WDFY3: variants seen among roughly 807,000 people sequenced by gnomAD.
WDFY3 encodes WD repeat and FYVE domain containing 3, also known as WD repeat and FYVE domain-containing protein 3.
A neutral mutation model predicts 409.6 loss-of-function variants in WDFY3; 66 were observed. That is an observed-to-expected ratio of 0.16 (90% CI 0.13 to 0.20). The LOEUF is 0.20. Ranked by LOEUF, WDFY3 falls within the 10% of genes least tolerant of loss-of-function variation. The pLI is 1.00. For synonymous variants in WDFY3, 1,521 were observed against 1,537.1 expected (o/e 0.99, Z 0.25); for missense variants, 3,031 against 4,298.1 (o/e 0.71, Z 8.24).
At chr4:84,725,644 A>G (rs1438432545) in intron 45 of WDFY3, among the ~76,000 whole-genome samples, 1 of 152,182 alleles carries the variant, frequency 6.6e-6, no homozygotes, top group Admixed American at 6.5e-5. Context: ...CCCCTTCTAA[A>G]TATGACTTTA....
chr4:84,941,488 CTAA>C (rs894121957), intron 1 of WDFY3, among the ~76,000 whole-genome samples: 9 of 151,834 alleles, frequency 5.9e-5, no homozygotes, highest in African/African-American at 2.2e-4. Context: ...GAAATAATCA[CTAA>C]TGAGATAATC....
chr4:84,827,901 G>A (rs1273087017), intron 9 of WDFY3, among the ~76,000 whole-genome samples: 1 of 152,096 alleles, frequency 6.6e-6, no homozygotes, highest in Non-Finnish European at 1.5e-5. Context: ...AGGACTGCTT[G>A]AGGCTAGAGT....
intron 39 of WDFY3, among the ~76,000 whole-genome samples, chr4:84,739,783 A>G (rs543641512): frequency 2.0e-5 from 3 of 152,272 alleles, no homozygotes; most frequent in South Asian, 4.1e-4. Context: ...CCCTAATTCA[A>G]TGCTTGGCCC....
At chr4:84,797,871 T>C (rs1749782105) in intron 18 of WDFY3, 125 bp downstream of exon 18, 13 of 886,484 alleles carry the variant, frequency 1.5e-5, no homozygotes, top group Non-Finnish European at 1.8e-5. Flanking sequence ...GCGCCGGGCC[T>C]GTTTCCCTAT....
At chr4:84,850,724 C>T (rs1758796691) in intron 4 of WDFY3, among the ~76,000 whole-genome samples, 1 of 151,986 alleles carries the variant, frequency 6.6e-6, no homozygotes, top group South Asian at 2.1e-4. Flanking sequence ...ACTGCTAAAT[C>T]CCAGGCTGAC....
In WDFY3 at chr4:84,907,816, A is replaced by G. The variant is rs1318279379; in HGVS notation, c.-131-10806T>C. Among the ~76,000 whole-genome samples, 5 of 152,314 alleles carry G rather than the reference A, an allele frequency of 3.3e-5. No homozygotes were observed. The East Asian group carries it at 7.7e-4, about 24-fold the overall frequency. ...ACTGTCTTACAGGGATAGACGGGAT[A>G]TACAAGAGGATAGAGGATAGTATAG... On this transcript the variant is annotated intron_variant, in intron 2 of 67. Coordinates refer to ENST00000295888, the MANE Select transcript of WDFY3 (RefSeq NM_014991.6).
At chr4:84,723,572 A>T (rs1268568881) in intron 46 of WDFY3, among the ~76,000 whole-genome samples, 1 of 152,234 alleles carries the variant, frequency 6.6e-6, no homozygotes, top group Non-Finnish European at 1.5e-5. Context: ...TACTCAGTTG[A>T]ACTGATTGAA....
In WDFY3 at chr4:84,922,928, A is replaced by G. The variant is rs965818062; in HGVS notation, c.-132+9342T>C. Among the ~76,000 whole-genome samples the G allele has an allele frequency of 1.3e-4, 20 of 152,334 alleles. 1 individual carries two copies. Among genetic ancestry groups the G allele is most frequent in the Admixed American group, 1.2e-3 (18 of 15,302 alleles). ...CAGAGTTATTTAATTTACTCTTTGT[A>G]TATTGCTTAAAGCATTAAATGATAG... is the stretch of plus-strand genomic sequence containing the variant. On this transcript the variant is annotated intron_variant, in intron 2 of 67. Transcript: ENST00000295888.
At position 84,842,434 on chromosome 4, in the gene WDFY3, G is replaced by A. The variant is rs187849972; in HGVS notation, c.305-1171C>T. Among the ~76,000 whole-genome samples, 415 of 150,578 alleles carry A rather than the reference G, an allele frequency of 2.8e-3. 2 individuals are homozygous for A. The highest frequency in any genetic ancestry group is 9.9e-3 in the African/African-American group (405 of 40,962). On this transcript the variant is annotated intron_variant, in intron 5 of 67. Transcript: ENST00000295888. Reference sequence around the variant, plus strand: ...GGAGGTTGCTGTGAGCCAAGATCACGCCACTGCACTCCAGCCTGGGCAACA... The same window carrying A: ...GGAGGTTGCTGTGAGCCAAGATCACACCACTGCACTCCAGCCTGGGCAACA...
chr4:84,713,323 A>T, intron 50 of WDFY3, 84 bp from the exon 51 acceptor site: 1 of 1,248,436 alleles, frequency 8.0e-7, no homozygotes, highest in Non-Finnish European at 1.2e-6. Context: ...CGATTCGTTT[A>T]GATTTTCATA....
chr4:84,749,314 A>AT (rs201663682), intron 36 of WDFY3, among the ~76,000 whole-genome samples: 7 of 152,010 alleles, frequency 4.6e-5, no homozygotes, highest in East Asian at 3.9e-4. Flanking sequence ...CATTAATATA[A>AT]TTTTTTTTGT....
intron 3 of WDFY3, among the ~76,000 whole-genome samples, chr4:84,888,315 G>A: frequency 6.6e-6 from 1 of 152,112 alleles, no homozygotes; most frequent in Non-Finnish European, 1.5e-5. Context: ...CAAGGCGAGA[G>A]GACTGTTTAA....
At chr4:84,760,391 C>A (rs1014946696) in intron 32 of WDFY3, among the ~76,000 whole-genome samples, 38 of 152,196 alleles carry the variant, frequency 2.5e-4, no homozygotes, top group African/African-American at 6.7e-4. Flanking sequence ...ACCAGCTCCT[C>A]CTTGTACCTC....
At chr4:84,828,908 A>T in intron 9 of WDFY3, 96 bp downstream of exon 9, 1 of 1,265,308 alleles carries the variant, frequency 7.9e-7, no homozygotes, top group Non-Finnish European at 1.1e-6. Context: ...GTGTTTCCTT[A>T]ATTTGCTTTT....
chr4:84,939,987 A>C (rs1226607598), intron 1 of WDFY3, among the ~76,000 whole-genome samples: 2 of 152,148 alleles, frequency 1.3e-5, no homozygotes, highest in Non-Finnish European at 2.9e-5. Flanking sequence ...ATGCAATTAC[A>C]TGTACATATA....
At chr4:84,859,595 GAC>G (rs977961786) in intron 4 of WDFY3, among the ~76,000 whole-genome samples, 5 of 152,080 alleles carry the variant, frequency 3.3e-5, no homozygotes, top group Non-Finnish European at 5.9e-5. Flanking sequence ...TTATTTTTGA[GAC>G]AGAGTTTCAC....
intron 45 of WDFY3, among the ~76,000 whole-genome samples, chr4:84,725,066 T>C (rs1030219945): frequency 1.3e-5 from 2 of 152,186 alleles, no homozygotes; most frequent in African/African-American, 2.4e-5. Context: ...GTTCAAATAC[T>C]TGGAGGTAGA....
chr4:84,819,593 G>A (rs1383180557), intron 12 of WDFY3, among the ~76,000 whole-genome samples: 1 of 151,978 alleles, frequency 6.6e-6, no homozygotes, highest in Non-Finnish European at 1.5e-5. Flanking sequence ...AGGTAGAAAA[G>A]TATAAAAGAG....
At chr4:84,760,231 T>A (rs1221187615) in intron 32 of WDFY3, among the ~76,000 whole-genome samples, 6 of 152,146 alleles carry the variant, frequency 3.9e-5, no homozygotes, top group Non-Finnish European at 5.9e-5. Flanking sequence ...GATTTTTGCA[T>A]CAATGTTCAT....
Sources: gnomAD v4.1 joint callset for allele counts (sites outside exome capture counted in the v4.1 genomes callset) on GRCh38, gnomAD v4.1.1 for gene constraint, MANE v1.5 for transcripts, NCBI Gene and HGNC (gene_info 2026-07-23, HGNC 2026-07-21) for gene names.